The following HARS2 variants were observed in gnomAD, a reference collection of about 807,000 sequenced individuals.
HARS2 encodes the protein histidyl-tRNA synthetase 2, mitochondrial.
A neutral mutation model predicts 62.4 loss-of-function variants in HARS2; 40 were observed. The ratio of observed to expected loss-of-function variants is 0.64; its 90% CI spans 0.50 to 0.83. The LOEUF (loss-of-function observed/expected upper bound fraction) is 0.83. HARS2 is among the 40% of genes least tolerant of loss of function. HARS2 has a pLI of 0.00. For synonymous variants in HARS2, 228 were observed against 227.0 expected (o/e 1.00, Z -0.04); for missense variants, 569 against 626.4 (o/e 0.91, Z 0.98).
intron 11 of HARS2, 26 bp from the exon 12 acceptor site, chr5:140,697,906 C>CCTTA (rs1266518086): frequency 6.2e-7 from 1 of 1,610,688 alleles, no homozygotes; most frequent in East Asian, 2.2e-5. Flanking sequence ...CTTCTAAGTC[C>CCTTA]CTTACTCTGT....
intron 12 of HARS2, 87 bp downstream of exon 12, chr5:140,698,165 A>AT: frequency 7.9e-7 from 1 of 1,264,476 alleles, no homozygotes; most frequent in Admixed American, 2.0e-5. Flanking sequence ...TGGCTGAGAA[A>AT]TTATCTTCAT....
At chr5:140,696,804 G>A (rs1276823965) in intron 8 of HARS2, 139 bp from the exon 9 acceptor site, 1 of 1,016,636 alleles carries the variant, frequency 9.8e-7, no homozygotes, top group African/African-American at 1.6e-5. Flanking sequence ...AAAGGAGGAG[G>A]GTCTTGTCAT....
rs1759870531 is a variant in HARS2, at chr5:140,698,856, A to G, written c.*304A>G. On this transcript the variant is annotated 3_prime_UTR_variant, in exon 13 of 13. Transcript: ENST00000230771. ...GGTAGTGAGATTGTTGCTGTGAGCAAGGCTCTGGGAGAGTCACCTCAGGCT... is the reference window on the plus strand; with the variant it reads ...GGTAGTGAGATTGTTGCTGTGAGCAGGGCTCTGGGAGAGTCACCTCAGGCT... 1 of 432,950 alleles carries G rather than the reference A, an allele frequency of 2.3e-6. No individual in the cohort carries two copies. Among genetic ancestry groups the G allele is most frequent in the Admixed American group, 3.5e-5 (1 of 28,370 alleles). The allele number at this position is 432,950 out of a possible 1,614,324, so 26.8% of individuals were successfully genotyped here.
chr5:140,695,135 T>C (rs1258366755), intron 4 of HARS2, among the ~76,000 whole-genome samples: 1 of 152,178 alleles, frequency 6.6e-6, no homozygotes, highest in Non-Finnish European at 1.5e-5. Context: ...TGTAGTCCTT[T>C]CCCTGCACTT....
At chr5:140,695,909 C>A in intron 6 of HARS2, 64 bp downstream of exon 6, 2 of 1,284,740 alleles carry the variant, frequency 1.6e-6, no homozygotes, top group African/African-American at 2.9e-5. Context: ...TTATGCAAGT[C>A]CCAAACTTGG....
At chr5:140,693,206 G>A (rs759321751) in intron 1 of HARS2, among the ~76,000 whole-genome samples, 23 of 151,494 alleles carry the variant, frequency 1.5e-4, no homozygotes, top group Non-Finnish European at 2.9e-4. Flanking sequence ...GTGGTGGCGC[G>A]CCTGTAGTCC....
At chr5:140,698,448 G>A (rs747879373) in intron 12 of HARS2, 45 bp from the exon 13 acceptor site, 4 of 1,346,998 alleles carry the variant, frequency 3.0e-6, no homozygotes, top group Non-Finnish European at 4.3e-6. Flanking sequence ...TAAGGAGTTA[G>A]TATCACTTTC....
intron 4 of HARS2, 89 bp from the exon 5 acceptor site, chr5:140,695,419 T>G: frequency 2.4e-5 from 21 of 865,906 alleles, no homozygotes; most frequent in Middle Eastern, 3.5e-4. Flanking sequence ...CCCTAGTGGA[T>G]GAGATCCAGG....
Position 140,691,919 on chromosome 5 carries a change from C to G in HARS2, c.108+163C>G, listed in dbSNP as rs1228585717. On this transcript the variant is annotated intron_variant, in intron 1 of 12. Transcript: ENST00000230771. Reference sequence around the variant, plus strand: ...GATTTGGATGCCTGGTCATTTAATCCTTGGAGCAATCTTGAGAGGTTGGAG... The same window carrying G: ...GATTTGGATGCCTGGTCATTTAATCGTTGGAGCAATCTTGAGAGGTTGGAG... The G allele has an allele frequency of 4.7e-6, 3 of 639,706 alleles. No individual in the cohort carries two copies. The African/African-American group carries it at 5.4e-5, about 12-fold the overall frequency. 39.6% of individuals were successfully genotyped at this position (639,706 alleles called of 1,614,324 possible). A position where few individuals can be genotyped will look rare whatever the true frequency, so the allele number is the denominator to read the frequency against.
rs1759749573 is a variant in HARS2, at chr5:140,696,554, G to T, written c.766G>T (p.Val256Leu). 11 of 1,613,892 alleles carry T rather than the reference G, an allele frequency of 6.8e-6. No homozygotes were observed. In the African/African-American group the frequency reaches 9.3e-5, roughly 14 times the overall value. The change falls in exon 8 of 13, where the codon GTG (valine) becomes TTG (leucine). Residue 256 changes from valine to leucine, a missense_variant. Physicochemically the swap from Val to Leu is conservative, Grantham distance 32. Coordinates refer to ENST00000230771, the MANE Select transcript of HARS2 (RefSeq NM_012208.4). The stretch of plus-strand genomic sequence containing the variant: ...GAAAGATGTGAGACATGAGATGGTG[G>T]TGAAGAAAGGCCTGGCTCCTGAGGT... ...AWKDVRHEMV[V>L]KKGLAPEVAD...
In HARS2 at chr5:140,695,967, C is replaced by T. The variant is rs748452722; in HGVS notation, c.633+122C>T. ...CAACTGTAGGACTTTCCTAGTAAAGCTGTTGTATTTCCTATATGTCTGTAC... is the reference window on the plus strand; with the variant it reads ...CAACTGTAGGACTTTCCTAGTAAAGTTGTTGTATTTCCTATATGTCTGTAC... On this transcript the variant is annotated intron_variant, in intron 6 of 12. Transcript: ENST00000230771. 5.7e-5 allele frequency: 56 copies of T among 983,388 alleles called. 1 individual carries two copies. Among genetic ancestry groups the T allele is most frequent in the Middle Eastern group, 4.1e-4 (2 of 4,830 alleles). 60.9% of individuals were successfully genotyped at this position (983,388 alleles called of 1,614,324 possible). A position where few individuals can be genotyped will look rare whatever the true frequency, so the allele number is the denominator to read the frequency against.
Position 140,694,006 on chromosome 5 carries a change from T to G in HARS2, c.255T>G (p.Phe85Leu). Residue 85 changes from phenylalanine to leucine, a missense_variant, in exon 3 of 13, where the codon TTT becomes TTG. Physicochemically the swap from Phe to Leu is conservative, Grantham distance 22. Transcript: ENST00000230771. ...EKILDLVISC[F>L]KRHGAKGMDT... is the part of the protein sequence containing the mutation. The stretch of plus-strand genomic sequence containing the variant: ...TTCTTGATTTGGTTATCAGCTGCTT[T>G]AAACGTCATGGAGCAAAGGGGATGG... 6.2e-7 allele frequency: 1 copy of G among 1,614,154 alleles called. No individual in the cohort carries two copies. The highest frequency in any genetic ancestry group is 8.5e-7 in the Non-Finnish European group (1 of 1,179,980).
At position 140,698,511 on chromosome 5, in the gene HARS2, A is replaced by C; in HGVS notation, c.1480A>C (p.Asn494His). The change falls in exon 13 of 13, where the codon AAT becomes CAT. Residue 494 changes from asparagine (N) to histidine (H), a missense_variant. Physicochemically the swap from Asn to His is moderately conservative, Grantham distance 68. Transcript: ENST00000230771. ...SREEVAIKRE[N>H]FVAEIQKRLS... ...GTTTCAGGTGGCCATTAAACGGGAA[A>C]ATTTTGTGGCTGAAATTCAGAAGCG... is the stretch of plus-strand genomic sequence containing the variant. 1 of 1,612,970 alleles carries C rather than the reference A, an allele frequency of 6.2e-7. No individual in the cohort carries two copies. Among genetic ancestry groups the C allele is most frequent in the Non-Finnish European group, 8.5e-7 (1 of 1,178,970 alleles).
chr5:140,695,112 T>G (rs940383908), intron 4 of HARS2, among the ~76,000 whole-genome samples: 2 of 152,140 alleles, frequency 1.3e-5, no homozygotes, highest in Non-Finnish European at 2.9e-5. Context: ...GCATCGTGGG[T>G]AATTAAGATG....
intron 1 of HARS2, 47 bp from the exon 2 acceptor site, chr5:140,693,544 T>C (rs1191889507): frequency 1.2e-6 from 2 of 1,614,052 alleles, no homozygotes; most frequent in Non-Finnish European, 1.7e-6. Flanking sequence ...GCCACAGGTC[T>C]GGCCAGTGTC....
At position 140,693,566 on chromosome 5, in the gene HARS2, C is replaced by CA. The variant is rs760531402; in HGVS notation, c.109-24dup. 3 of 1,614,004 alleles carry CA rather than the reference C, an allele frequency of 1.9e-6. No homozygotes were observed. The Admixed American group carries it at 5.0e-5, about 27-fold the overall frequency. ...GTCTGGCCAGTGTCCAGAGAAGCCA[C>CA]ATCTCACATTCATTCTTCTGCCAGG... is the stretch of plus-strand genomic sequence containing the variant. On this transcript the variant is annotated intron_variant, in intron 1 of 12. Coordinates refer to ENST00000230771, the MANE Select transcript of HARS2 (RefSeq NM_012208.4).
chr5:140,697,709 C>A, intron 11 of HARS2, 24 bp downstream of exon 11: 1 of 1,508,506 alleles, frequency 6.6e-7, no homozygotes, highest in African/African-American at 1.4e-5. Context: ...GATATCTGAG[C>A]CATCTGGGTA....
intron 1 of HARS2, among the ~76,000 whole-genome samples, chr5:140,692,896 A>C (rs1759575988): frequency 6.6e-6 from 1 of 151,946 alleles, no homozygotes; most frequent in South Asian, 2.1e-4. Context: ...TATCTGAAAA[A>C]AAAAAAAAAA....
intron 1 of HARS2, 49 bp from the exon 2 acceptor site, chr5:140,693,542 T>A (rs374776554): frequency 1.9e-6 from 3 of 1,613,944 alleles, no homozygotes; most frequent in Non-Finnish European, 2.5e-6. Flanking sequence ...ATGCCACAGG[T>A]CTGGCCAGTG....
Sources: allele counts gnomAD v4.1 joint callset (sites outside exome capture counted in the v4.1 genomes callset), GRCh38; gene constraint gnomAD v4.1.1; transcripts MANE v1.5; gene names NCBI Gene and HGNC (gene_info 2026-07-23, HGNC 2026-07-21).